Variants in GPHN observed in about 807,000 individuals in gnomAD.
GPHN encodes the protein gephyrin.
Under a neutral mutation model 95.5 loss-of-function variants are expected in GPHN, and 17 were observed. That is an observed-to-expected ratio of 0.18 (90% CI 0.12 to 0.27). The LOEUF is 0.27. Among genes scored for constraint, GPHN ranks in the 10% least tolerant of loss-of-function variants. The probability of loss-of-function intolerance (pLI) is 1.00; values close to 1 mark genes in which losing one functional copy is unlikely to be tolerated. For synonymous variants in GPHN, 320 were observed against 322.5 expected, an observed-to-expected ratio of 0.99 and a Z score of 0.08; for missense variants, 660 against 978.1, an observed-to-expected ratio of 0.67 and a Z score of 4.34.
At chr14:66,837,291 G>T (rs1399724492) in intron 4 of GPHN, among the ~76,000 whole-genome samples, 33 of 151,688 alleles carry the variant, frequency 2.2e-4, no homozygotes, top group Non-Finnish European at 4.3e-4. Context: ...CATGTCCTTT[G>T]TAGGGACATG....
chr14:66,941,683 TAA>T (rs72495022), intron 8 of GPHN, among the ~76,000 whole-genome samples: 3 of 138,630 alleles, frequency 2.2e-5, no homozygotes, highest in Non-Finnish European at 3.1e-5. Context: ...AAAGCCTTGG[TAA>T]AAAAAAAAAA....
the GPHN span, chr14:67,364,722 TCAC>T: frequency 3.3e-6 from 5 of 1,534,228 alleles, no homozygotes; most frequent in Non-Finnish European, 3.5e-6. Flanking sequence ...TTTTTTATTT[TCAC>T]CTTAACTGAA....
At chr14:67,143,496 G>A (rs1397269720) in intron 18 of GPHN, 47 bp downstream of exon 18, 3 of 1,141,750 alleles carry the variant, frequency 2.6e-6, no homozygotes, top group Non-Finnish European at 4.0e-6. Flanking sequence ...TAATGTTCTT[G>A]CATATGGTCG....
chr14:67,495,529 C>T, the GPHN span, among the ~76,000 whole-genome samples: 64 of 151,614 alleles, frequency 4.2e-4, no homozygotes, highest in Non-Finnish European at 1.8e-4. Flanking sequence ...GTTGCCCAGG[C>T]TGGAGTGCAA....
the GPHN span, chr14:67,471,093 G>C: frequency 0.14 from 21,506 of 152,254 alleles, 1,725 homozygotes; most frequent in African/African-American, 0.21. Flanking sequence ...TGGAGAAATG[G>C]GACACCTAGA....
chr14:66,634,404 G>T (rs1218176228), intron 1 of GPHN, among the ~76,000 whole-genome samples: 1 of 152,032 alleles, frequency 6.6e-6, no homozygotes, highest in African/African-American at 2.4e-5. Flanking sequence ...TCCCTTAATG[G>T]CTTAGCCTGC....
At chr14:67,571,649 GT>G in the GPHN span, 1 of 1,173,314 alleles carries the variant, frequency 8.5e-7, no homozygotes, top group Non-Finnish European at 1.3e-6. Flanking sequence ...CCGGCTGGGG[GT>G]TGGCCACACC....
chr14:67,597,590 C>T, the GPHN span, among the ~76,000 whole-genome samples: 1 of 151,838 alleles, frequency 6.6e-6, no homozygotes, highest in African/African-American at 2.4e-5. Flanking sequence ...TCTGATGATC[C>T]AGAAAGATCT....
At chr14:67,729,158 G>T in the GPHN span, 1 of 1,606,536 alleles carries the variant, frequency 6.2e-7, no homozygotes, top group Non-Finnish European at 8.5e-7. Flanking sequence ...CTCAGAGTGT[G>T]TCCCTGATCT....
At chr14:67,420,826 C>A in the GPHN span, among the ~76,000 whole-genome samples, 1 of 152,236 alleles carries the variant, frequency 6.6e-6, no homozygotes, top group Non-Finnish European at 1.5e-5. Flanking sequence ...AAATTGAGGT[C>A]TTTTCCTGTG....
the GPHN span, among the ~76,000 whole-genome samples, chr14:67,556,777 GA>G: frequency 6.6e-6 from 1 of 152,192 alleles, no homozygotes; most frequent in South Asian, 2.1e-4. Flanking sequence ...GTCTAGAAAT[GA>G]TGCACCATTT....
intron 1 of GPHN, among the ~76,000 whole-genome samples, chr14:66,540,641 G>A (rs546615905): frequency 6.6e-6 from 1 of 152,254 alleles, no homozygotes; most frequent in African/African-American, 2.4e-5. Context: ...TTATGAATAA[G>A]ACTTGTTTTT....
chr14:66,767,608 A>G (rs1203425855), intron 2 of GPHN, among the ~76,000 whole-genome samples: 2 of 151,836 alleles, frequency 1.3e-5, no homozygotes, highest in Non-Finnish European at 2.9e-5. Context: ...GCTTAGGGGG[A>G]AAATGGAAAT....
intron 8 of GPHN, among the ~76,000 whole-genome samples, chr14:66,954,833 A>G (rs945868097): frequency 6.6e-6 from 1 of 152,220 alleles, no homozygotes; most frequent in Non-Finnish European, 1.5e-5. Context: ...AGCATATTGC[A>G]TCAAATGTTT....
At chr14:67,153,026 T>G (rs1006058341) in intron 18 of GPHN, among the ~76,000 whole-genome samples, 5 of 148,950 alleles carry the variant, frequency 3.4e-5, no homozygotes, top group Non-Finnish European at 5.9e-5. Flanking sequence ...AAAGTCCAGG[T>G]GCAGTGGCTC....
chr14:67,045,353 A>C (rs2074951889), intron 10 of GPHN, among the ~76,000 whole-genome samples: 1 of 151,920 alleles, frequency 6.6e-6, no homozygotes, highest in Non-Finnish European at 1.5e-5. Flanking sequence ...CTGAGGCCTA[A>C]GACGCTCTCT....
the GPHN span, chr14:67,380,658 G>T: frequency 6.6e-7 from 1 of 1,511,684 alleles, no homozygotes; most frequent in South Asian, 1.3e-5. Flanking sequence ...TTTTTGACCA[G>T]AGACCCATCT....
chr14:67,007,343 A>C (rs1448335587), intron 9 of GPHN, among the ~76,000 whole-genome samples: 1 of 152,204 alleles, frequency 6.6e-6, no homozygotes, highest in Non-Finnish European at 1.5e-5. Context: ...ATTGAACCAC[A>C]CAACTGTCAG....
At chr14:67,590,016 C>A in the GPHN span, 1 of 1,492,374 alleles carries the variant, frequency 6.7e-7, no homozygotes, top group Admixed American at 2.4e-5. Flanking sequence ...TACGGAAAAC[C>A]AGCCCCTATG....
Sources: gnomAD v4.1 joint callset for allele counts (sites outside exome capture counted in the v4.1 genomes callset) on GRCh38, gnomAD v4.1.1 for gene constraint, MANE v1.5 for transcripts, NCBI Gene and HGNC (gene_info 2026-07-23, HGNC 2026-07-21) for gene names.